FAM78B: variants seen among roughly 807,000 people sequenced by gnomAD.
The protein encoded by FAM78B is protein FAM78B.
Under a neutral mutation model 20.0 loss-of-function variants are expected in FAM78B, and 10 were observed. The observed-to-expected ratio is 0.50, with a 90% confidence interval of 0.31 to 0.85. The LOEUF is 0.85. Among genes scored for constraint, FAM78B ranks in the 40% least tolerant of loss-of-function variants. The pLI, the probability that FAM78B is intolerant of heterozygous loss-of-function variation, is 0.05. For missense variants in FAM78B, 283 were observed against 345.0 expected (o/e 0.82, Z 1.42); for synonymous variants, 135 against 132.8 (o/e 1.02, Z -0.12).
At chr1:166,112,247 G>A (rs1654083832) in intron 1 of FAM78B, among the ~76,000 whole-genome samples, 1 of 152,140 alleles carries the variant, frequency 6.6e-6, no homozygotes, top group South Asian at 2.1e-4. Flanking sequence ...CCTGGTCCTT[G>A]GATTGACAGA....
intron 1 of FAM78B, among the ~76,000 whole-genome samples, chr1:166,095,063 A>C (rs1653225008): frequency 6.6e-6 from 1 of 152,164 alleles, no homozygotes; most frequent in Non-Finnish European, 1.5e-5. Context: ...CTTCATCATT[A>C]GACCTGGTCT....
At chr1:166,140,370 A>G (rs556680782) in intron 1 of FAM78B, among the ~76,000 whole-genome samples, 45 of 152,358 alleles carry the variant, frequency 3.0e-4, no homozygotes, top group African/African-American at 1.1e-3. Context: ...GTGGAAGTGA[A>G]TATGTAAACC....
intron 1 of FAM78B, among the ~76,000 whole-genome samples, chr1:166,080,783 CT>C: frequency 6.6e-6 from 1 of 152,354 alleles, no homozygotes; most frequent in Non-Finnish European, 1.5e-5. Context: ...TTTGCAGCAA[CT>C]TTCTCCTCCC....
chr1:166,161,295 T>A (rs1223939797), intron 1 of FAM78B, among the ~76,000 whole-genome samples: 2 of 152,112 alleles, frequency 1.3e-5, no homozygotes, highest in Non-Finnish European at 2.9e-5. Context: ...TACAGGCGTG[T>A]GCCACCATGC....
At chr1:166,075,782 G>T (rs1408609474) in intron 1 of FAM78B, among the ~76,000 whole-genome samples, 1 of 152,134 alleles carries the variant, frequency 6.6e-6, no homozygotes, top group Non-Finnish European at 1.5e-5. Flanking sequence ...TTTCCTTGGT[G>T]ATCTCATCTG....
chr1:166,109,833 T>A (rs1405952038), intron 1 of FAM78B, among the ~76,000 whole-genome samples: 1 of 14,224 alleles, frequency 7.0e-5, no homozygotes, highest in Non-Finnish European at 1.3e-4. Flanking sequence ...TATATATATG[T>A]ATATATGTAT....
chr1:166,156,729 C>G (rs1043377740), intron 1 of FAM78B, among the ~76,000 whole-genome samples: 20 of 152,202 alleles, frequency 1.3e-4, no homozygotes, highest in Non-Finnish European at 2.1e-4. Context: ...GTCTCACTGT[C>G]CCCCTAAGGT....
intron 1 of FAM78B, among the ~76,000 whole-genome samples, chr1:166,155,779 G>A (rs959966841): frequency 8.5e-5 from 13 of 152,172 alleles, no homozygotes; most frequent in Non-Finnish European, 1.9e-4. Context: ...GAGGCTCAGC[G>A]TGTGTGGTCT....
At chr1:166,074,727 A>G (rs992818435) in intron 1 of FAM78B, among the ~76,000 whole-genome samples, 2 of 152,238 alleles carry the variant, frequency 1.3e-5, no homozygotes, top group South Asian at 2.1e-4. Flanking sequence ...CCTTGCACGG[A>G]AAGTTGCTTA....
At chr1:166,119,082 G>A (rs960798622) in intron 1 of FAM78B, among the ~76,000 whole-genome samples, 5 of 152,244 alleles carry the variant, frequency 3.3e-5, no homozygotes, top group Non-Finnish European at 5.9e-5. Flanking sequence ...AGGAGAGAGA[G>A]AGAGAGGAGT....
At chr1:166,093,213 G>A (rs1653147335) in intron 1 of FAM78B, among the ~76,000 whole-genome samples, 1 of 151,972 alleles carries the variant, frequency 6.6e-6, no homozygotes. Context: ...CTCAAAGTGG[G>A]GCATGCAGTT....
intron 2 of FAM78B, among the ~76,000 whole-genome samples, chr1:166,062,143 A>G (rs1389405696): frequency 6.6e-6 from 1 of 152,120 alleles, no homozygotes; most frequent in Non-Finnish European, 1.5e-5. Context: ...CAAGCCTAAA[A>G]ACTTTGAGGG....
intron 1 of FAM78B, among the ~76,000 whole-genome samples, chr1:166,140,608 G>C (rs1655243125): frequency 6.6e-6 from 1 of 152,244 alleles, no homozygotes; most frequent in Non-Finnish European, 1.5e-5. Flanking sequence ...TGAGGCTGCT[G>C]ATGCTGAATA....
intron 1 of FAM78B, among the ~76,000 whole-genome samples, chr1:166,158,964 C>T (rs1656029416): frequency 6.6e-6 from 1 of 152,232 alleles, no homozygotes; most frequent in African/African-American, 2.4e-5. Flanking sequence ...TTGTGGCCTG[C>T]TTGGTGTTAA....
At chr1:166,151,024 T>C (rs185023817) in intron 1 of FAM78B, among the ~76,000 whole-genome samples, 23 of 152,354 alleles carry the variant, frequency 1.5e-4, no homozygotes, top group African/African-American at 4.8e-4. Flanking sequence ...TAATCTGGTA[T>C]AGAAGTTGAT....
At chr1:166,144,605 G>T (rs184946288) in intron 1 of FAM78B, among the ~76,000 whole-genome samples, 2 of 152,230 alleles carry the variant, frequency 1.3e-5, no homozygotes, top group Admixed American at 6.5e-5. Flanking sequence ...GGGCGGAAAG[G>T]GGGGCAGAGT....
exon 3 of FAM78B, chr1:166,059,896 C>A (rs1484722345): frequency 6.6e-6 from 1 of 152,102 alleles, no homozygotes; most frequent in South Asian, 2.1e-4. Flanking sequence ...GGGGCTGATG[C>A]TTAAAAAATG....
chr1:166,138,569 C>G (rs758300536), intron 1 of FAM78B, among the ~76,000 whole-genome samples: 1 of 152,140 alleles, frequency 6.6e-6, no homozygotes, highest in Admixed American at 6.5e-5. Context: ...TCTTCGCTAG[C>G]CTTAGATTCA....
intron 1 of FAM78B, chr1:166,148,098 G>A (rs1655533000): frequency 6.6e-6 from 1 of 152,136 alleles, no homozygotes; most frequent in African/African-American, 2.4e-5. Context: ...CTCACTTTTT[G>A]TAGAAACCCA....
Sources: gnomAD v4.1 joint callset for allele counts (sites outside exome capture counted in the v4.1 genomes callset) on GRCh38, gnomAD v4.1.1 for gene constraint, MANE v1.5 for transcripts, NCBI Gene and HGNC (gene_info 2026-07-23, HGNC 2026-07-21) for gene names.